The following NDUFA9 variants were observed in gnomAD, a reference collection of about 807,000 sequenced individuals.
NDUFA9 encodes NADH dehydrogenase [ubiquinone] 1 alpha subcomplex subunit 9, mitochondrial.
A neutral mutation model predicts 45.9 loss-of-function variants in NDUFA9; 23 were observed. The ratio of observed to expected loss-of-function variants is 0.50; its 90% CI spans 0.36 to 0.71. The LOEUF (loss-of-function observed/expected upper bound fraction) is 0.71. Ranked by LOEUF, NDUFA9 falls within the 30% of genes least tolerant of loss-of-function variation. NDUFA9 has a pLI of 0.00. For synonymous variants in NDUFA9, 176 were observed against 170.5 expected (o/e 1.03, Z -0.25); for missense variants, 466 against 488.2 (o/e 0.95, Z 0.43).
rs1329760959 is a variant in NDUFA9, at chr12:4,687,545, T to C, written c.*437T>C. On this transcript the variant is annotated 3_prime_UTR_variant, in exon 11 of 11. Coordinates refer to ENST00000266544, the MANE Select transcript of NDUFA9 (RefSeq NM_005002.5). ...CACTGAAGGTGTTTTTAAAATTTAT[T>C]TTAATAATGTCCATATGCCTTTTAA... The C allele has an allele frequency of 2.6e-5, 4 of 152,834 alleles. No individual in the cohort carries two copies. Among genetic ancestry groups the C allele is most frequent in the African/African-American group, 9.6e-5 (4 of 41,472 alleles). 9.5% of individuals were successfully genotyped at this position (152,834 alleles called of 1,614,324 possible).
intron 8 of NDUFA9, among the ~76,000 whole-genome samples, chr12:4,681,605 T>A (rs1378948304): frequency 6.7e-6 from 1 of 148,880 alleles, no homozygotes; most frequent in Non-Finnish European, 1.5e-5. Context: ...ATTTATATAA[T>A]TATCTAAAAT....
intron 8 of NDUFA9, among the ~76,000 whole-genome samples, chr12:4,681,864 T>G (rs1945954591): frequency 6.6e-6 from 1 of 152,072 alleles, no homozygotes; most frequent in South Asian, 2.1e-4. Context: ...ATAATTGTGA[T>G]TACATGCAGT....
At chr12:4,651,659 T>C (rs1017332231) in intron 1 of NDUFA9, among the ~76,000 whole-genome samples, 1 of 152,190 alleles carries the variant, frequency 6.6e-6, no homozygotes, top group African/African-American at 2.4e-5. Flanking sequence ...TAACAGTCCT[T>C]TGAGGTATTA....
At position 4,669,776 on chromosome 12, in the gene NDUFA9, T is replaced by A. The variant is rs1372427336; in HGVS notation, c.759T>A (p.Val253=). The part of the protein sequence containing the change: ...VDVSKGIVNA[V]KDPDANGKSF... Reference sequence around the variant, plus strand: ...TATCCAAAGGAATTGTTAATGCAGTTAAGGATCCTGATGCCAATGGGAAAT... The same window carrying A: ...TATCCAAAGGAATTGTTAATGCAGTAAAGGATCCTGATGCCAATGGGAAAT... The change falls in exon 8 of 11, where the codon GTT becomes GTA. Residue 253 remains valine (V), a synonymous_variant. Transcript: ENST00000266544. The A allele has an allele frequency of 5.0e-6, 8 of 1,612,730 alleles. No homozygotes were observed. Among genetic ancestry groups the A allele is most frequent in the Non-Finnish European group, 4.2e-6 (5 of 1,178,934 alleles).
chr12:4,686,883 C>T, intron 10 of NDUFA9, 55 bp from the exon 11 acceptor site: 1 of 1,546,406 alleles, frequency 6.5e-7, no homozygotes, highest in Non-Finnish European at 8.8e-7. Flanking sequence ...GCTAGGATAG[C>T]ACTTTGTTCT....
intron 8 of NDUFA9, among the ~76,000 whole-genome samples, chr12:4,674,265 G>A (rs906167517): frequency 6.6e-6 from 1 of 152,032 alleles, no homozygotes; most frequent in Admixed American, 6.6e-5. Context: ...ATCAACTAAC[G>A]GGCAAAATAA....
rs1946011382 is a variant in NDUFA9, at chr12:4,690,152, A to T, written c.*3044A>T. On this transcript the variant is annotated 3_prime_UTR_variant, in exon 11 of 11. Coordinates refer to ENST00000266544, the MANE Select transcript of NDUFA9 (RefSeq NM_005002.5). ...TGTCCCCATAGAGACTTCAAGCCAC[A>T]CCTTTCTAGGGATTCAGGTTGCACA... is the stretch of plus-strand genomic sequence containing the variant. 1 of 152,174 alleles carries T rather than the reference A, an allele frequency of 6.6e-6. No homozygotes were observed. Among genetic ancestry groups the T allele is most frequent in the Admixed American group, 6.5e-5 (1 of 15,268 alleles). 9.4% of individuals were successfully genotyped at this position (152,174 alleles called of 1,614,324 possible). A position where few individuals can be genotyped will look rare whatever the true frequency, so the allele number is the denominator to read the frequency against.
At chr12:4,654,004 G>A (rs988322639) in intron 1 of NDUFA9, among the ~76,000 whole-genome samples, 10 of 151,596 alleles carry the variant, frequency 6.6e-5, no homozygotes, top group African/African-American at 2.4e-4. Flanking sequence ...TCCTTTTACC[G>A]TATAGGCTTA....
intron 1 of NDUFA9, among the ~76,000 whole-genome samples, chr12:4,652,437 T>C (rs1945765060): frequency 6.6e-6 from 1 of 152,222 alleles, no homozygotes; most frequent in Non-Finnish European, 1.5e-5. Flanking sequence ...CTCTCTTGTT[T>C]GCTCCAGTCT....
At chr12:4,668,704 A>G in intron 7 of NDUFA9, 180 bp downstream of exon 7, 1 of 603,942 alleles carries the variant, frequency 1.7e-6, no homozygotes, top group Non-Finnish European at 3.0e-6. Flanking sequence ...TCACTTGTTC[A>G]TTTAAGAAAA....
intron 1 of NDUFA9, among the ~76,000 whole-genome samples, chr12:4,653,298 TG>T (rs1945770127): frequency 6.6e-6 from 1 of 152,236 alleles, no homozygotes; most frequent in South Asian, 2.1e-4. Context: ...GGATTAGACT[TG>T]TTCTTTGTCA....
In NDUFA9 at chr12:4,691,011, G is replaced by C. The variant is rs1297135244; in HGVS notation, c.*3903G>C. ...AGTCCGTGAGTTGGGAGGGGCACAA[G>C]CGAGTTTAACCTTTACCTTGGAGGT... On this transcript the variant is annotated 3_prime_UTR_variant, in exon 11 of 11. Coordinates refer to ENST00000266544, the MANE Select transcript of NDUFA9 (RefSeq NM_005002.5). 2 of 152,274 alleles carry C rather than the reference G, an allele frequency of 1.3e-5. No homozygotes were observed. Among genetic ancestry groups the C allele is most frequent in the Non-Finnish European group, 2.9e-5 (2 of 68,048 alleles). 9.4% of individuals were successfully genotyped at this position (152,274 alleles called of 1,614,324 possible). A position where few individuals can be genotyped will look rare whatever the true frequency, so the allele number is the denominator to read the frequency against.
At chr12:4,684,659 T>C (rs1323667737) in intron 9 of NDUFA9, among the ~76,000 whole-genome samples, 1 of 152,172 alleles carries the variant, frequency 6.6e-6, no homozygotes, top group Non-Finnish European at 1.5e-5. Context: ...TAACTGATGA[T>C]GGGAGCTCAA....
chr12:4,664,756 G>A (rs1038959683), intron 6 of NDUFA9, among the ~76,000 whole-genome samples: 2 of 152,216 alleles, frequency 1.3e-5, no homozygotes, highest in Non-Finnish European at 2.9e-5. Flanking sequence ...GAATCTAGAA[G>A]GCAATGCATC....
At chr12:4,681,830 A>G (rs1945954403) in intron 8 of NDUFA9, among the ~76,000 whole-genome samples, 1 of 152,056 alleles carries the variant, frequency 6.6e-6, no homozygotes, top group Non-Finnish European at 1.5e-5. Context: ...TAGCATAAAT[A>G]TCTCAAAACT....
At chr12:4,669,645 T>C in intron 7 of NDUFA9, 96 bp from the exon 8 acceptor site, 1 of 791,688 alleles carries the variant, frequency 1.3e-6, no homozygotes, top group Non-Finnish European at 2.1e-6. Context: ...CCTTCCTTCC[T>C]TCCTTTTTCT....
intron 8 of NDUFA9, among the ~76,000 whole-genome samples, 153 bp downstream of exon 8, chr12:4,669,970 C>A (rs1945876538): frequency 6.6e-6 from 1 of 152,190 alleles, no homozygotes; most frequent in African/African-American, 2.4e-5. Context: ...AACCTGGAAT[C>A]TACTTTAATG....
rs1945970015 is a variant in NDUFA9, at chr12:4,684,168, G to A, written c.897-1091G>A. 2.0e-5 allele frequency among the ~76,000 whole-genome samples: 3 copies of A among 152,196 alleles called. No individual in the cohort carries two copies. The South Asian group carries it at 6.2e-4, about 31-fold the overall frequency. ...TGAGTGTTTTTATTAAGCTATGTTA[G>A]CCCAATAAATTATTTTTTTCTGCCG... is the stretch of plus-strand genomic sequence containing the variant. On this transcript the variant is annotated intron_variant, in intron 9 of 10. Transcript: ENST00000266544.
intron 6 of NDUFA9, among the ~76,000 whole-genome samples, chr12:4,663,885 C>T (rs1055481039): frequency 2.6e-5 from 4 of 151,950 alleles, no homozygotes; most frequent in Non-Finnish European, 5.9e-5. Flanking sequence ...TTTGTAAGGT[C>T]TCAGATGGAA....
Sources: gnomAD v4.1 joint callset for allele counts (sites outside exome capture counted in the v4.1 genomes callset) on GRCh38, gnomAD v4.1.1 for gene constraint, MANE v1.5 for transcripts, NCBI Gene and HGNC (gene_info 2026-07-23, HGNC 2026-07-21) for gene names.